The following ARL5A variants were observed in gnomAD, a reference collection of about 807,000 sequenced individuals.
ARL5A encodes ARF like GTPase 5A, also known as ADP-ribosylation factor-like protein 5A.
Under a neutral mutation model 25.9 loss-of-function variants are expected in ARL5A, and 18 were observed. The observed-to-expected ratio is 0.69, with a 90% CI of 0.48 to 1.03. The LOEUF (loss-of-function observed/expected upper bound fraction) is 1.03. ARL5A is among the 50% of genes least tolerant of loss of function. The pLI is 0.00. For missense variants in ARL5A, 170 were observed against 211.9 expected, an observed-to-expected ratio of 0.80 and a Z score of 1.23; for synonymous variants, 61 against 67.5, an observed-to-expected ratio of 0.90 and a Z score of 0.47.
At chr2:151,803,890 A>G (rs2151291132) in intron 5 of ARL5A, among the ~76,000 whole-genome samples, 1 of 152,354 alleles carries the variant, frequency 6.6e-6, no homozygotes, top group East Asian at 1.9e-4. Context: ...AATCAGACAT[A>G]AACATAGACT....
intron 1 of ARL5A, among the ~76,000 whole-genome samples, chr2:151,821,688 T>C (rs936638036): frequency 2.0e-5 from 3 of 151,908 alleles, no homozygotes; most frequent in Admixed American, 6.6e-5. Context: ...CAATGAAACC[T>C]CTACCTCCCA....
intron 1 of ARL5A, among the ~76,000 whole-genome samples, chr2:151,823,824 G>A (rs538549919): frequency 1.5e-3 from 227 of 152,280 alleles, no homozygotes; most frequent in Non-Finnish European, 2.6e-3. Flanking sequence ...CAACTAAGAC[G>A]GGTACTAGGG....
chr2:151,808,371 G>T (rs183210156), intron 4 of ARL5A, among the ~76,000 whole-genome samples: 1 of 152,240 alleles, frequency 6.6e-6, no homozygotes, highest in East Asian at 1.9e-4. Context: ...AATGACTTTT[G>T]TTAGAATACA....
At position 151,812,453 on chromosome 2, in the gene ARL5A, C is replaced by A; in HGVS notation, c.256-13G>T. On this transcript the variant is annotated splice_polypyrimidine_tract_variant and intron_variant, in intron 3 of 5. Coordinates refer to ENST00000295087, the MANE Select transcript of ARL5A (RefSeq NM_012097.4). ...CAACTATTACAAACTAAAATAATTA[C>A]AAAAAAATTATTAGTGATTATACAA... 3 of 1,517,578 alleles carry A rather than the reference C, an allele frequency of 2.0e-6. No individual in the cohort carries two copies. The highest frequency in any genetic ancestry group is 1.4e-5 in the African/African-American group (1 of 71,302). The allele number at this position is 1,517,578 out of a possible 1,614,324, so 94.0% of individuals were successfully genotyped here.
At chr2:151,811,472 C>A (rs921170441) in intron 4 of ARL5A, among the ~76,000 whole-genome samples, 8 of 151,906 alleles carry the variant, frequency 5.3e-5, no homozygotes, top group Admixed American at 3.9e-4. Flanking sequence ...TTATAGTTAT[C>A]AAGTTGACTA....
chr2:151,825,198 T>C (rs373409630), intron 1 of ARL5A, among the ~76,000 whole-genome samples: 3 of 152,316 alleles, frequency 2.0e-5, no homozygotes, highest in East Asian at 1.9e-4. Context: ...AGTAAACCAC[T>C]GATCACAAGC....
intron 1 of ARL5A, among the ~76,000 whole-genome samples, chr2:151,816,862 C>A (rs1389089129): frequency 1.3e-5 from 2 of 152,190 alleles, no homozygotes; most frequent in African/African-American, 4.8e-5. Context: ...ACAACCAATA[C>A]TGCATAATAG....
chr2:151,819,543 T>C (rs1442128610), intron 1 of ARL5A, among the ~76,000 whole-genome samples: 3 of 152,196 alleles, frequency 2.0e-5, no homozygotes, highest in Non-Finnish European at 4.4e-5. Context: ...ATAGATTGAA[T>C]AATAGTAGGA....
chr2:151,823,332 TAAC>T (rs1399106270), intron 1 of ARL5A, among the ~76,000 whole-genome samples: 17 of 152,156 alleles, frequency 1.1e-4, no homozygotes, highest in Non-Finnish European at 1.8e-4. Flanking sequence ...TTAAAAGTCT[TAAC>T]AATAAAAAGA....
At chr2:151,809,294 C>T (rs2099830508) in intron 4 of ARL5A, among the ~76,000 whole-genome samples, 1 of 152,124 alleles carries the variant, frequency 6.6e-6, no homozygotes, top group African/African-American at 2.4e-5. Flanking sequence ...TCTGTATTCA[C>T]TCTTAATGAT....
At chr2:151,804,997 A>G (rs1578370752) in intron 5 of ARL5A, among the ~76,000 whole-genome samples, 1 of 152,320 alleles carries the variant, frequency 6.6e-6, no homozygotes. Flanking sequence ...AATTGAGTTA[A>G]TATCTATACT....
intron 5 of ARL5A, among the ~76,000 whole-genome samples, 171 bp from the exon 6 acceptor site, chr2:151,803,495 AC>A (rs1304254916): frequency 5.3e-5 from 8 of 152,190 alleles, no homozygotes; most frequent in African/African-American, 1.7e-4. Flanking sequence ...ATTCTCATAC[AC>A]AATACATCTG....
In ARL5A at chr2:151,806,975, A is replaced by G. The variant is rs778783352; in HGVS notation, c.340-3T>C. ...AGCAATCCAGCTTTTCTTAGGTCCT[A>G]TTAAAGCAAATAAAACTGTAAAGGC... is the stretch of plus-strand genomic sequence containing the variant. On this transcript the variant is annotated splice_region_variant and splice_polypyrimidine_tract_variant and intron_variant, in intron 4 of 5. Coordinates refer to ENST00000295087, the MANE Select transcript of ARL5A (RefSeq NM_012097.4). 63 of 1,603,510 alleles carry G rather than the reference A, an allele frequency of 3.9e-5. No homozygotes were observed. The highest frequency in any genetic ancestry group is 4.9e-5 in the Non-Finnish European group (58 of 1,176,584).
chr2:151,812,031 C>A (rs1396014061), intron 4 of ARL5A, among the ~76,000 whole-genome samples: 2 of 152,166 alleles, frequency 1.3e-5, no homozygotes, highest in African/African-American at 4.8e-5. Flanking sequence ...AATCTCATTT[C>A]CAATGATAAT....
Position 151,828,299 on chromosome 2 carries a change from G to T in ARL5A, c.-123C>A. ...CTCTGCTGCTGCTCCCGCGCTGGTCGCGGGCCCGCTTCCAGGGAACCGGAG... is the reference window on the plus strand; with the variant it reads ...CTCTGCTGCTGCTCCCGCGCTGGTCTCGGGCCCGCTTCCAGGGAACCGGAG... On this transcript the variant is annotated 5_prime_UTR_variant, in exon 1 of 6. Transcript: ENST00000295087. 1.1e-6 allele frequency: 1 copy of T among 875,598 alleles called. No homozygotes were observed. The highest frequency in any genetic ancestry group is 1.7e-6 in the Non-Finnish European group (1 of 585,090). 54.2% of individuals were successfully genotyped at this position (875,598 alleles called of 1,614,324 possible).
rs753632465 is a variant in ARL5A at position 151,815,176 on chromosome 2, G to A, written c.70C>T (p.Leu24=). 22 of 1,606,508 alleles carry A rather than the reference G, an allele frequency of 1.4e-5. No individual in the cohort carries two copies. The highest frequency in any genetic ancestry group is 6.7e-5 in the Admixed American group (4 of 59,484). ...ATGGTAGTTTTCCCTGCATTATCCA[G>A]CCCAACAATGATAACTTTGTGCTCT... The part of the protein sequence containing the change: ...HQEHKVIIVG[L]DNAGKTTILY... The change falls in exon 2 of 6, where the codon CTG becomes TTG. Residue 24 remains leucine, a synonymous_variant. Coordinates refer to ENST00000295087, the MANE Select transcript of ARL5A (RefSeq NM_012097.4).
chr2:151,825,298 G>T lies in ARL5A; in HGVS notation c.46+2833C>A, dbSNP rs191559645. 2.8e-4 allele frequency among the ~76,000 whole-genome samples: 42 copies of T among 152,238 alleles called. No homozygotes were observed. The East Asian group carries it at 5.2e-3, about 19-fold the overall frequency. ...CAACTGAAAAAGTTAATGGGGGGAG[G>T]AGGAGGGAGGGAAAAATGATGTCAA... On this transcript the variant is annotated intron_variant, in intron 1 of 5. Coordinates refer to ENST00000295087, the MANE Select transcript of ARL5A (RefSeq NM_012097.4).
chr2:151,803,701 A>G (rs76319745), intron 5 of ARL5A, among the ~76,000 whole-genome samples: 1 of 152,172 alleles, frequency 6.6e-6, no homozygotes, highest in Non-Finnish European at 1.5e-5. Flanking sequence ...TGGTTCAGTT[A>G]TATCTCTAGC....
In ARL5A at chr2:151,825,685, T is replaced by A. The variant is rs138609749; in HGVS notation, c.46+2446A>T. On this transcript the variant is annotated intron_variant, in intron 1 of 5. Transcript: ENST00000295087. Reference sequence around the variant, plus strand: ...GAGATACTGCATAGTTTAAGTTTCATCAGATGGCAAATTCTGTAATCTCCC... The same window carrying A: ...GAGATACTGCATAGTTTAAGTTTCAACAGATGGCAAATTCTGTAATCTCCC... 5.2e-4 allele frequency among the ~76,000 whole-genome samples: 79 copies of A among 152,292 alleles called. 1 individual carries two copies. In the East Asian group the frequency reaches 0.014, roughly 27 times the overall value.
Sources: allele counts gnomAD v4.1 joint callset (sites outside exome capture counted in the v4.1 genomes callset), GRCh38; gene constraint gnomAD v4.1.1; transcripts MANE v1.5; gene names NCBI Gene and HGNC (gene_info 2026-07-23, HGNC 2026-07-21).